Variants in NBEAL1 observed in about 807,000 individuals in gnomAD.
NBEAL1 encodes neurobeachin-like protein 1.
Under a neutral mutation model 351.3 loss-of-function variants are expected in NBEAL1, and 273 were observed. That is an observed-to-expected ratio of 0.78 (90% CI 0.70 to 0.86). The LOEUF is 0.86. Ranked by LOEUF, NBEAL1 falls within the 40% of genes least tolerant of loss-of-function variation. NBEAL1 has a pLI of 0.00. For synonymous variants in NBEAL1, 1,050 were observed against 1,086.4 expected, an observed-to-expected ratio of 0.97 and a Z score of 0.66; for missense variants, 2,961 against 3,201.3, an observed-to-expected ratio of 0.92 and a Z score of 1.81.
chr2:203,205,866 GATACT>G (rs1474352002), intron 51 of NBEAL1, among the ~76,000 whole-genome samples: 1 of 152,208 alleles, frequency 6.6e-6, no homozygotes. Flanking sequence ...CACTCAGACT[GATACT>G]CACAGGGAAA....
chr2:203,046,972 C>G (rs1010218501), intron 3 of NBEAL1, among the ~76,000 whole-genome samples: 1 of 152,096 alleles, frequency 6.6e-6, no homozygotes, highest in Non-Finnish European at 1.5e-5. Flanking sequence ...GTCGGGATTT[C>G]GAGACCTGCC....
intron 2 of NBEAL1, among the ~76,000 whole-genome samples, chr2:203,019,890 TAAA>T (rs1654346378): frequency 6.6e-6 from 1 of 152,182 alleles, no homozygotes; most frequent in South Asian, 2.1e-4. Flanking sequence ...TAAGTAGAAT[TAAA>T]ATAAATTACC....
chr2:203,027,945 G>A (rs749236431), intron 2 of NBEAL1, among the ~76,000 whole-genome samples: 2 of 151,740 alleles, frequency 1.3e-5, no homozygotes, highest in South Asian at 2.1e-4. Context: ...GTGCAGTGGC[G>A]TGATCTTGGC....
intron 7 of NBEAL1, among the ~76,000 whole-genome samples, chr2:203,076,080 A>G (rs899123295): frequency 6.6e-6 from 1 of 152,230 alleles, no homozygotes; most frequent in Non-Finnish European, 1.5e-5. Flanking sequence ...GGGGAAAAGC[A>G]TAGCAGTTTA....
intron 52 of NBEAL1, 131 bp from the exon 53 acceptor site, chr2:203,209,030 T>G: frequency 1.4e-6 from 1 of 721,534 alleles, no homozygotes; most frequent in Non-Finnish European, 2.2e-6. Context: ...CTAAGGTGCA[T>G]GTATCCTTGA....
In NBEAL1 at chr2:203,219,386, A is replaced by T. The variant is rs1452851773; in HGVS notation, c.*2032A>T. 6.6e-6 allele frequency: 1 copy of T among 152,084 alleles called. No individual in the cohort carries two copies. Among genetic ancestry groups the T allele is most frequent in the Admixed American group, 6.5e-5 (1 of 15,270 alleles). The allele number at this position is 152,084 out of a possible 1,614,324, so 9.4% of individuals were successfully genotyped here. A position where few individuals can be genotyped will look rare whatever the true frequency, so the allele number is the denominator to read the frequency against. ...TCTAAAACTTAGATAATTAGAAAAA[A>T]TGCCTAAGTTTATGATGTTTTACTA... On this transcript the variant is annotated 3_prime_UTR_variant, in exon 56 of 56. Coordinates refer to ENST00000683969, the MANE Select transcript of NBEAL1 (RefSeq NM_001378026.1).
At chr2:203,137,149 G>A (rs2063233316) in intron 29 of NBEAL1, among the ~76,000 whole-genome samples, 1 of 152,188 alleles carries the variant, frequency 6.6e-6, no homozygotes, top group African/African-American at 2.4e-5. Flanking sequence ...TTTCTCTGAA[G>A]GATTTAGGGT....
In NBEAL1 at chr2:203,217,793, G is replaced by A. The variant is rs553920748; in HGVS notation, c.*439G>A. On this transcript the variant is annotated 3_prime_UTR_variant, in exon 56 of 56. Transcript: ENST00000683969. ...TTTATTTATGGAACTCCTGATTGGG[G>A]ATAATATTTTAAAGGTATCTGTTGC... The A allele has an allele frequency of 8.7e-4, 852 of 982,604 alleles. No individual in the cohort carries two copies. Among genetic ancestry groups the A allele is most frequent in the Non-Finnish European group, 9.6e-4 (797 of 827,386 alleles). 60.9% of individuals were successfully genotyped at this position (982,604 alleles called of 1,614,324 possible).
intron 2 of NBEAL1, among the ~76,000 whole-genome samples, chr2:203,034,116 C>T (rs966934288): frequency 6.6e-5 from 10 of 151,240 alleles, no homozygotes; most frequent in Non-Finnish European, 1.3e-4. Context: ...TCTTTATATT[C>T]ATGGTCTAGC....
chr2:203,202,798 A>G lies in NBEAL1; in HGVS notation c.7506+17A>G. On this transcript the variant is annotated intron_variant, in intron 51 of 55. Transcript: ENST00000683969. ...ACACAACAGGTAGTCACACATTTAA[A>G]TGTTCTTGAATTAGGTCAGAGATTC... is the stretch of plus-strand genomic sequence containing the variant. 1 of 1,366,442 alleles carries G rather than the reference A, an allele frequency of 7.3e-7. No individual in the cohort carries two copies. The highest frequency in any genetic ancestry group is 1.0e-6 in the Non-Finnish European group (1 of 958,318). 84.6% of individuals were successfully genotyped at this position (1,366,442 alleles called of 1,614,324 possible).
At position 203,159,640 on chromosome 2, in the gene NBEAL1, A is replaced by G. The variant is rs186068175; in HGVS notation, c.5714+1815A>G. On this transcript the variant is annotated intron_variant, in intron 36 of 55. Coordinates refer to ENST00000683969, the MANE Select transcript of NBEAL1 (RefSeq NM_001378026.1). ...CATTTTGCTTATCCATTCATCAATCATGAGCATTTAGGTTGTTTCTACTTT... is the reference window on the plus strand; with the variant it reads ...CATTTTGCTTATCCATTCATCAATCGTGAGCATTTAGGTTGTTTCTACTTT... Among the ~76,000 whole-genome samples the G allele has an allele frequency of 3.3e-5, 5 of 152,222 alleles. No individual in the cohort carries two copies. The East Asian group carries it at 9.7e-4, about 29-fold the overall frequency.
chr2:203,037,140 A>C (rs1286151496), intron 2 of NBEAL1, among the ~76,000 whole-genome samples: 2 of 149,456 alleles, frequency 1.3e-5, no homozygotes, highest in African/African-American at 4.9e-5. Context: ...TTAGAACCGT[A>C]TATTAATAGA....
chr2:203,030,518 G>T (rs1188003307), intron 2 of NBEAL1, among the ~76,000 whole-genome samples: 1 of 152,024 alleles, frequency 6.6e-6, no homozygotes, highest in Non-Finnish European at 1.5e-5. Context: ...AAAGCCAAGG[G>T]ACTAACCGGA....
chr2:203,088,660 GAT>G (rs2062011407), intron 10 of NBEAL1, among the ~76,000 whole-genome samples: 1 of 152,128 alleles, frequency 6.6e-6, no homozygotes, highest in African/African-American at 2.4e-5. Context: ...GAGTGACTTG[GAT>G]ATATATTCAT....
chr2:203,032,116 C>T (rs951498359), intron 2 of NBEAL1, among the ~76,000 whole-genome samples: 5 of 152,088 alleles, frequency 3.3e-5, no homozygotes, highest in African/African-American at 1.2e-4. Flanking sequence ...AAGGCTCTTG[C>T]GAACTACCAT....
intron 27 of NBEAL1, among the ~76,000 whole-genome samples, chr2:203,134,138 A>G (rs1297308947): frequency 6.6e-6 from 1 of 152,160 alleles, no homozygotes; most frequent in African/African-American, 2.4e-5. Flanking sequence ...GTTTACATTT[A>G]TACAAACAGT....
At chr2:203,197,741 C>G (rs1046630077) in intron 48 of NBEAL1, among the ~76,000 whole-genome samples, 2 of 152,048 alleles carry the variant, frequency 1.3e-5, no homozygotes, top group African/African-American at 4.8e-5. Context: ...AACCCTGTCT[C>G]TACTAAAAAT....
chr2:203,217,744 A>G lies in NBEAL1; in HGVS notation c.*390A>G. ...TAAGTAATCATTTTCCTATTTACTG[A>G]CCACTGTAATGAAAATATATCAATT... is the stretch of plus-strand genomic sequence containing the variant. On this transcript the variant is annotated 3_prime_UTR_variant, in exon 56 of 56. Coordinates refer to ENST00000683969, the MANE Select transcript of NBEAL1 (RefSeq NM_001378026.1). The G allele has an allele frequency of 3.1e-6, 3 of 971,790 alleles. No individual in the cohort carries two copies. Among genetic ancestry groups the G allele is most frequent in the Non-Finnish European group, 3.7e-6 (3 of 817,376 alleles). 60.2% of individuals were successfully genotyped at this position (971,790 alleles called of 1,614,324 possible).
At chr2:203,112,196 G>A (rs1425911633) in intron 16 of NBEAL1, 98 bp downstream of exon 16, 2 of 1,287,742 alleles carry the variant, frequency 1.6e-6, no homozygotes, top group East Asian at 2.6e-5. Flanking sequence ...TAAATATGTG[G>A]CCCCAGATTT....
Sources: gnomAD v4.1 joint callset for allele counts (sites outside exome capture counted in the v4.1 genomes callset) on GRCh38, gnomAD v4.1.1 for gene constraint, MANE v1.5 for transcripts, NCBI Gene and HGNC (gene_info 2026-07-23, HGNC 2026-07-21) for gene names.